Variants in TRAM1 observed in about 807,000 individuals in gnomAD.
TRAM1 encodes translocating chain-associated membrane protein 1.
Under a neutral mutation model 48.7 loss-of-function variants are expected in TRAM1, and 17 were observed. The ratio of observed to expected loss-of-function variants is 0.35; its 90% confidence interval spans 0.24 to 0.52. TRAM1 has a LOEUF of 0.52. Among genes scored for constraint, TRAM1 ranks in the 20% least tolerant of loss-of-function variants. The pLI, the probability that TRAM1 is intolerant of heterozygous loss-of-function variation, is 0.94. For missense variants in TRAM1, 351 were observed against 441.5 expected (o/e 0.79, Z 1.84); for synonymous variants, 182 against 154.0 (o/e 1.18, Z -1.34).
chr8:70,586,760 T>C (rs529309323), intron 8 of TRAM1, 135 bp downstream of exon 8: 420 of 682,608 alleles, frequency 6.2e-4, no homozygotes, highest in Admixed American at 2.5e-3. Flanking sequence ...AATTGCTAAA[T>C]AATTTCGTTT....
intron 4 of TRAM1, among the ~76,000 whole-genome samples, chr8:70,597,211 A>G (rs1323871004): frequency 1.3e-5 from 2 of 152,236 alleles, no homozygotes; most frequent in African/African-American, 4.8e-5. Context: ...CATTAGTTAG[A>G]GTGATACAAC....
chr8:70,575,694 C>T (rs1379044495), intron 10 of TRAM1, among the ~76,000 whole-genome samples: 1 of 152,090 alleles, frequency 6.6e-6, no homozygotes, highest in Non-Finnish European at 1.5e-5. Context: ...GAGGCGGGGG[C>T]AATGGCTTGC....
At chr8:70,598,387 C>G (rs892342723) in intron 2 of TRAM1, 132 bp from the exon 3 acceptor site, 1 of 796,018 alleles carries the variant, frequency 1.3e-6, no homozygotes, top group African/African-American at 1.8e-5. Context: ...TCATAAATAA[C>G]GTGGTCTTGG....
intron 6 of TRAM1, among the ~76,000 whole-genome samples, chr8:70,592,783 C>T (rs1453385106): frequency 1.3e-5 from 2 of 152,206 alleles, no homozygotes; most frequent in Non-Finnish European, 2.9e-5. Flanking sequence ...CTCTCAGTAG[C>T]GCTGTCCAAT....
chr8:70,587,983 G>C (rs61489927), intron 6 of TRAM1, among the ~76,000 whole-genome samples: 1 of 152,124 alleles, frequency 6.6e-6, no homozygotes, highest in Non-Finnish European at 1.5e-5. Flanking sequence ...CTGGGAGGCC[G>C]AGGTGGGAGG....
At chr8:70,576,446 G>T (rs1023748170) in intron 10 of TRAM1, among the ~76,000 whole-genome samples, 1 of 152,144 alleles carries the variant, frequency 6.6e-6, no homozygotes, top group East Asian at 1.9e-4. Flanking sequence ...ACAGGATAAC[G>T]AAAGTCATAT....
At chr8:70,586,791 C>T (rs574920558) in intron 8 of TRAM1, 104 bp downstream of exon 8, 64 of 916,202 alleles carry the variant, frequency 7.0e-5, no homozygotes, top group South Asian at 3.0e-4. Flanking sequence ...GGCTACTGAT[C>T]GCTTAAAAAG....
intron 1 of TRAM1, among the ~76,000 whole-genome samples, chr8:70,604,174 T>C (rs1817670381): frequency 6.6e-6 from 1 of 152,234 alleles, no homozygotes; most frequent in South Asian, 2.1e-4. Flanking sequence ...CAGATGCATC[T>C]TAAATAGGTT....
chr8:70,580,391 G>A (rs914716928), intron 10 of TRAM1, among the ~76,000 whole-genome samples: 6 of 152,068 alleles, frequency 3.9e-5, no homozygotes, highest in Non-Finnish European at 7.4e-5. Context: ...ATGCAACGTT[G>A]GTTTAACATC....
intron 8 of TRAM1, among the ~76,000 whole-genome samples, chr8:70,585,865 T>C (rs1220102003): frequency 2.8e-5 from 4 of 141,270 alleles, no homozygotes; most frequent in Admixed American, 7.1e-5. Flanking sequence ...GTCAGTGTGG[T>C]GATTCCTCAG....
At chr8:70,577,735 C>T (rs1816989184) in intron 10 of TRAM1, among the ~76,000 whole-genome samples, 1 of 152,236 alleles carries the variant, frequency 6.6e-6, no homozygotes, top group South Asian at 2.1e-4. Context: ...GAGCTGTGCT[C>T]CTCTGGGAAG....
At chr8:70,584,874 A>G (rs1398846818) in intron 8 of TRAM1, among the ~76,000 whole-genome samples, 1 of 152,186 alleles carries the variant, frequency 6.6e-6, no homozygotes, top group Non-Finnish European at 1.5e-5. Flanking sequence ...TTATAGATTC[A>G]ATGCCATCCC....
intron 1 of TRAM1, chr8:70,607,513 GTTTCTC>G (rs1817767462): frequency 1.0e-6 from 1 of 984,488 alleles, no homozygotes; most frequent in Non-Finnish European, 1.2e-6. Context: ...CCTGACTCCG[GTTTCTC>G]GCTCACCCCA....
intron 6 of TRAM1, 24 bp from the exon 7 acceptor site, chr8:70,587,200 T>G: frequency 6.3e-7 from 1 of 1,590,616 alleles, no homozygotes; most frequent in South Asian, 1.1e-5. Flanking sequence ...CATTATAGAT[T>G]AAAACATGCT....
At chr8:70,596,593 T>A (rs1817491381) in intron 4 of TRAM1, among the ~76,000 whole-genome samples, 1 of 151,994 alleles carries the variant, frequency 6.6e-6, no homozygotes, top group Non-Finnish European at 1.5e-5. Flanking sequence ...AGAATAAAAA[T>A]ACACGTACAC....
chr8:70,574,594 T>C lies in TRAM1; in HGVS notation c.*338A>G, dbSNP rs959120444. On this transcript the variant is annotated 3_prime_UTR_variant, in exon 11 of 11. Transcript: ENST00000262213. ...CCACTCTGCTATTATAAAAAATTGG[T>C]GACAGCAAGAAATTGTATCACTGAT... 2 of 214,376 alleles carry C rather than the reference T, an allele frequency of 9.3e-6. No individual in the cohort carries two copies. Among genetic ancestry groups the C allele is most frequent in the African/African-American group, 4.7e-5 (2 of 42,144 alleles). The allele number at this position is 214,376 out of a possible 1,614,324, so 13.3% of individuals were successfully genotyped here. A position where few individuals can be genotyped will look rare whatever the true frequency, so the allele number is the denominator to read the frequency against.
At chr8:70,577,383 G>A (rs1407568016) in intron 10 of TRAM1, among the ~76,000 whole-genome samples, 1 of 152,092 alleles carries the variant, frequency 6.6e-6, no homozygotes, top group Non-Finnish European at 1.5e-5. Flanking sequence ...CCATGGACTG[G>A]AGTGAGAACT....
intron 2 of TRAM1, among the ~76,000 whole-genome samples, chr8:70,598,594 T>G (rs1817539868): frequency 6.6e-6 from 1 of 152,218 alleles, no homozygotes; most frequent in Non-Finnish European, 1.5e-5. Flanking sequence ...CTTAGCCTAC[T>G]GACCTATTTT....
chr8:70,590,097 T>C (rs73685675), intron 6 of TRAM1, among the ~76,000 whole-genome samples: 11,292 of 151,060 alleles, frequency 0.075, 472 homozygotes, highest in Non-Finnish European at 0.087. Context: ...TTTTAACTGC[T>C]GATTGAACTC....
Sources: gnomAD v4.1 joint callset for allele counts (sites outside exome capture counted in the v4.1 genomes callset) on GRCh38, gnomAD v4.1.1 for gene constraint, MANE v1.5 for transcripts, NCBI Gene and HGNC (gene_info 2026-07-23, HGNC 2026-07-21) for gene names.